Variants in TMEM245 observed in about 807,000 individuals in gnomAD.
TMEM245 encodes protein CG-2.
A neutral mutation model predicts 101.2 loss-of-function variants in TMEM245; 69 were observed. The ratio of observed to expected loss-of-function variants is 0.68; its 90% CI spans 0.56 to 0.83. The LOEUF (loss-of-function observed/expected upper bound fraction) is 0.83, where lower values mean the gene tolerates loss of function less well. Ranked by LOEUF, TMEM245 falls within the 40% of genes least tolerant of loss-of-function variation. The pLI is 0.00. For synonymous variants in TMEM245, 537 were observed against 449.8 expected (o/e 1.19, Z -2.45); for missense variants, 1,075 against 1,092.8 (o/e 0.98, Z 0.23).
rs1827529001 is a variant in TMEM245, at chr9:109,018,819, T to G, written c.*1641A>C. 6.6e-6 allele frequency: 1 copy of G among 151,526 alleles called. No homozygotes were observed. The highest frequency in any genetic ancestry group is 2.4e-5 in the African/African-American group (1 of 41,146). 9.4% of individuals were successfully genotyped at this position (151,526 alleles called of 1,614,324 possible). The stretch of plus-strand genomic sequence containing the variant: ...GGCGCCATCTTGGCTCACTGCAGCC[T>G]CGACCTCCTGGACTCAGGTGATCCT... On this transcript the variant is annotated 3_prime_UTR_variant, in exon 18 of 18. Transcript: ENST00000374586.
chr9:109,112,205 T>G, intron 1 of TMEM245, among the ~76,000 whole-genome samples: 1 of 151,264 alleles, frequency 6.6e-6, no homozygotes, highest in East Asian at 1.9e-4. Flanking sequence ...AAAGGCATGG[T>G]GGGGGAGGGG....
chr9:109,106,008 G>A (rs1314005301), intron 3 of TMEM245, among the ~76,000 whole-genome samples: 4 of 152,066 alleles, frequency 2.6e-5, no homozygotes, highest in Non-Finnish European at 4.4e-5. Flanking sequence ...TCCTGACCTC[G>A]TGATCCGCTT....
chr9:109,070,382 C>G (rs1036648714), intron 9 of TMEM245, among the ~76,000 whole-genome samples: 16 of 152,142 alleles, frequency 1.1e-4, no homozygotes, highest in Admixed American at 5.2e-4. Context: ...TTGGTGAATC[C>G]ACCATCACTC....
In TMEM245 at chr9:109,020,081, C is replaced by T. The variant is rs1021261218; in HGVS notation, c.*379G>A. 1.9e-5 allele frequency: 3 copies of T among 156,426 alleles called. No homozygotes were observed. The highest frequency in any genetic ancestry group is 2.8e-5 in the Non-Finnish European group (2 of 70,982). The allele number at this position is 156,426 out of a possible 1,614,324, so 9.7% of individuals were successfully genotyped here. On this transcript the variant is annotated 3_prime_UTR_variant, in exon 18 of 18. Transcript: ENST00000374586. ...TTTCTTAAACCAGGAAAAAATTACA[C>T]CATCTATTCTTTTAACAGCAGGTAG...
intron 12 of TMEM245, among the ~76,000 whole-genome samples, chr9:109,054,284 C>T (rs1444712110): frequency 6.6e-6 from 1 of 152,130 alleles, no homozygotes; most frequent in Non-Finnish European, 1.5e-5. Context: ...GTCAAGGATG[C>T]AGTAAGCCAC....
At chr9:109,109,051 C>A (rs1178070132) in intron 1 of TMEM245, among the ~76,000 whole-genome samples, 2 of 152,144 alleles carry the variant, frequency 1.3e-5, no homozygotes, top group East Asian at 1.9e-4. Context: ...GGAAATAACT[C>A]TGTAAAAGTA....
intron 1 of TMEM245, among the ~76,000 whole-genome samples, chr9:109,117,975 G>T (rs1417126138): frequency 6.6e-6 from 1 of 152,234 alleles, no homozygotes; most frequent in Non-Finnish European, 1.5e-5. Flanking sequence ...CTCCATAAAA[G>T]TGAACCACAG....
chr9:109,075,496 T>C (rs72607171), intron 8 of TMEM245, among the ~76,000 whole-genome samples: 33,575 of 152,148 alleles, frequency 0.22, 4,539 homozygotes, highest in Admixed American at 0.3. Flanking sequence ...GCCTGAGCGC[T>C]TCTTGGTAGG....
chr9:109,113,704 T>C (rs955726060), intron 1 of TMEM245, among the ~76,000 whole-genome samples: 1 of 152,258 alleles, frequency 6.6e-6, no homozygotes, highest in Non-Finnish European at 1.5e-5. Context: ...CTTTGTTTCA[T>C]TTATTGTCAT....
At chr9:109,084,682 A>G (rs534680065) in intron 7 of TMEM245, among the ~76,000 whole-genome samples, 1 of 152,348 alleles carries the variant, frequency 6.6e-6, no homozygotes, top group South Asian at 2.1e-4. Flanking sequence ...TGTCTCTAAA[A>G]AACAATTAGA....
rs1304691521 is a variant in TMEM245 at position 109,016,406 on chromosome 9, G to C, written c.*4054C>G. The C allele has an allele frequency of 1.5e-4, 23 of 151,366 alleles. No homozygotes were observed. In the Admixed American group the frequency reaches 1.5e-3, roughly 10 times the overall value. The allele number at this position is 151,366 out of a possible 1,614,324, so 9.4% of individuals were successfully genotyped here. On this transcript the variant is annotated 3_prime_UTR_variant, in exon 18 of 18. Coordinates refer to ENST00000374586, the MANE Select transcript of TMEM245 (RefSeq NM_032012.4). Reference sequence around the variant, plus strand: ...CCATGAAGAAAAGGAAAGAGAAGTAGAACAACGGACTGACAGAAAAAAAAG... The same window carrying C: ...CCATGAAGAAAAGGAAAGAGAAGTACAACAACGGACTGACAGAAAAAAAAG...
intron 1 of TMEM245, among the ~76,000 whole-genome samples, chr9:109,114,670 T>C (rs533656625): frequency 3.3e-4 from 51 of 152,288 alleles, no homozygotes; most frequent in Non-Finnish European, 6.2e-4. Flanking sequence ...TGCAAAAAAC[T>C]AAATGGTCTT....
intron 1 of TMEM245, among the ~76,000 whole-genome samples, chr9:109,115,556 A>G (rs1830701338): frequency 8.6e-6 from 1 of 115,964 alleles, no homozygotes; most frequent in African/African-American, 3.4e-5. Flanking sequence ...TTTAAGACAG[A>G]GTCTCACTCT....
At chr9:109,108,662 A>C in intron 1 of TMEM245, 92 bp from the exon 2 acceptor site, 3 of 908,608 alleles carry the variant, frequency 3.3e-6, no homozygotes, top group Non-Finnish European at 3.4e-6. Flanking sequence ...TACAGCAGGA[A>C]TGCTCTGGAC....
chr9:109,106,471 T>C, intron 3 of TMEM245, 37 bp downstream of exon 3: 2 of 1,359,592 alleles, frequency 1.5e-6, no homozygotes, highest in Non-Finnish European at 2.0e-6. Context: ...CCAAAATACT[T>C]CAAAGAGTAG....
chr9:109,020,005 G>A lies in TMEM245; in HGVS notation c.*455C>T. On this transcript the variant is annotated 3_prime_UTR_variant, in exon 18 of 18. Transcript: ENST00000374586. ...CTCACTCAACTACACACTCAAAAGTGAAAGCCCTCTTCCTTGAAAAGTGAC... is the reference window on the plus strand; with the variant it reads ...CTCACTCAACTACACACTCAAAAGTAAAAGCCCTCTTCCTTGAAAAGTGAC... The A allele has an allele frequency of 6.5e-6, 1 of 154,018 alleles. No homozygotes were observed. Among genetic ancestry groups the A allele is most frequent in the Non-Finnish European group, 1.4e-5 (1 of 69,320 alleles). 9.5% of individuals were successfully genotyped at this position (154,018 alleles called of 1,614,324 possible). A position where few individuals can be genotyped will look rare whatever the true frequency, so the allele number is the denominator to read the frequency against.
At chr9:109,061,596 T>G (rs1829013635) in intron 10 of TMEM245, among the ~76,000 whole-genome samples, 1 of 152,184 alleles carries the variant, frequency 6.6e-6, no homozygotes, top group Non-Finnish European at 1.5e-5. Context: ...AGATAGAGTC[T>G]TGCTCTGTCA....
chr9:109,026,137 C>T (rs549539428), intron 17 of TMEM245, among the ~76,000 whole-genome samples: 1 of 152,332 alleles, frequency 6.6e-6, no homozygotes, highest in East Asian at 1.9e-4. Context: ...TCATTCCTTC[C>T]ACTAGGAATT....
intron 16 of TMEM245, among the ~76,000 whole-genome samples, chr9:109,035,156 CAAAAAA>C (rs778574292): frequency 7.8e-5 from 4 of 51,332 alleles, no homozygotes; most frequent in African/African-American, 1.4e-4. Context: ...GACTCTGTCT[CAAAAAA>C]AAAAAAAAAA....
Sources: allele counts gnomAD v4.1 joint callset (sites outside exome capture counted in the v4.1 genomes callset), GRCh38; gene constraint gnomAD v4.1.1; transcripts MANE v1.5; gene names NCBI Gene and HGNC (gene_info 2026-07-23, HGNC 2026-07-21).